The following BRWD1 variants were observed in gnomAD, a reference collection of about 807,000 sequenced individuals.
The protein encoded by BRWD1 is bromodomain and WD repeat domain containing 1, also known as bromodomain and WD repeat-containing protein 1.
Under a neutral mutation model 251.2 loss-of-function variants are expected in BRWD1, and 82 were observed. The observed-to-expected ratio is 0.33, with a 90% CI of 0.27 to 0.39. The LOEUF (loss-of-function observed/expected upper bound fraction) is 0.39. Ranked by LOEUF, BRWD1 falls within the 10% of genes least tolerant of loss-of-function variation. The probability of loss-of-function intolerance (pLI) is 1.00; values close to 1 mark genes in which losing one functional copy is unlikely to be tolerated. For synonymous variants in BRWD1, 918 were observed against 902.8 expected (o/e 1.02, Z -0.30); for missense variants, 2,233 against 2,711.6 (o/e 0.82, Z 3.92).
upstream of BRWD1, chr21:39,314,523 T>C (rs912301193): frequency 2.8e-6 from 1 of 355,390 alleles, no homozygotes; most frequent in African/African-American, 2.1e-5. Context: ...TAGAATCCTC[T>C]TGGAAGACTA....
chr21:39,199,466 A>C lies in BRWD1; in HGVS notation c.4950T>G (p.Ser1650=), dbSNP rs778025840. 6.2e-7 allele frequency: 1 copy of C among 1,614,036 alleles called. No homozygotes were observed. Among genetic ancestry groups the C allele is most frequent in the South Asian group, 1.1e-5 (1 of 91,086 alleles). ...IKLMSDVEEN[S]SSESVCSGRK... ...GACCAGAACAGACACTTTCAGAGCT[A>C]GAATTCTCTTCTACATCACTCATTA... is the stretch of plus-strand genomic sequence containing the variant. The change falls in exon 40 of 41, where the codon TCT becomes TCG. Residue 1650 remains serine (S), a synonymous_variant. Transcript: ENST00000342449.
intron 40 of BRWD1, 68 bp downstream of exon 40, chr21:39,198,695 A>G (rs1158390253): frequency 2.1e-6 from 3 of 1,400,638 alleles, no homozygotes; most frequent in East Asian, 2.4e-5. Flanking sequence ...GGGGGAAAAA[A>G]CCAATGTGTG....
At chr21:39,251,584 C>T (rs1183645284) in intron 19 of BRWD1, among the ~76,000 whole-genome samples, 2 of 152,140 alleles carry the variant, frequency 1.3e-5, no homozygotes, top group African/African-American at 4.8e-5. Flanking sequence ...AGAGTAAATG[C>T]TGTAAGGATA....
At chr21:39,297,824 AGC>A (rs1479336904) in intron 5 of BRWD1, 1 of 935,552 alleles carries the variant, frequency 1.1e-6, no homozygotes, top group East Asian at 1.2e-4. Context: ...TTAGCAGTTT[AGC>A]CACATGTACA....
intron 27 of BRWD1, among the ~76,000 whole-genome samples, chr21:39,225,909 CATG>C (rs1053957072): frequency 5.3e-5 from 8 of 152,182 alleles, no homozygotes; most frequent in African/African-American, 1.4e-4. Context: ...CAAACCACAC[CATG>C]ATTTTATCCA....
intron 18 of BRWD1, among the ~76,000 whole-genome samples, chr21:39,257,202 T>A (rs1331828129): frequency 8.8e-5 from 12 of 137,008 alleles, no homozygotes; most frequent in Middle Eastern, 3.7e-3. Flanking sequence ...TGAAGCTATT[T>A]AAAAAAAAAA....
chr21:39,224,413 T>C lies in BRWD1; in HGVS notation c.3377A>G (p.Asp1126Gly). ...LSPWDMEPIP[D>G]NVDPPEELGA... ...TATTTAACAAATATATATACCATTA[T>C]CAGGAATTGGTTCCATGTCCCATGG... The change falls in exon 29 of 41, where the codon GAT becomes GGT. Residue 1126 changes from aspartate (D) to glycine (G), a missense_variant. Asp to Gly is a moderately conservative substitution (Grantham distance 94). This residue lies in a region of BRWD1 where 139 missense variants were observed against 272.8 expected (regional missense o/e 0.51). Transcript: ENST00000342449. The C allele has an allele frequency of 6.4e-7, 1 of 1,571,442 alleles. No individual in the cohort carries two copies. The highest frequency in any genetic ancestry group is 8.7e-7 in the Non-Finnish European group (1 of 1,149,482).
At chr21:39,260,548 T>C (rs1469707133) in intron 17 of BRWD1, among the ~76,000 whole-genome samples, 1 of 152,036 alleles carries the variant, frequency 6.6e-6, no homozygotes, top group African/African-American at 2.4e-5. Context: ...TGAAGGAGGG[T>C]TCTACCCATG....
At chr21:39,249,928 G>A (rs1462924610) in intron 20 of BRWD1, among the ~76,000 whole-genome samples, 2 of 111,880 alleles carry the variant, frequency 1.8e-5, no homozygotes, top group African/African-American at 6.0e-5. Flanking sequence ...GTGTGTGTGT[G>A]TGTGTGTGTG....
At position 39,191,419 on chromosome 21, in the gene BRWD1, CTT is replaced by C. The variant is rs1393923188; in HGVS notation, c.*4838_*4839del. ...TAGTGTTTTGTTTTGTTTTTTAACT[CTT>C]TTGCTTGTTAAGATGAAAATGCTAA... is the stretch of plus-strand genomic sequence containing the variant. On this transcript the variant is annotated 3_prime_UTR_variant, in exon 41 of 41. Transcript: ENST00000342449. 7 of 985,090 alleles carry C rather than the reference CTT, an allele frequency of 7.1e-6. No homozygotes were observed. The highest frequency in any genetic ancestry group is 4.7e-5 in the South Asian group (1 of 21,276). The allele number at this position is 985,090 out of a possible 1,614,324, so 61.0% of individuals were successfully genotyped here.
At chr21:39,209,300 AT>A (rs1169066911) in intron 36 of BRWD1, among the ~76,000 whole-genome samples, 2 of 152,162 alleles carry the variant, frequency 1.3e-5, no homozygotes, top group Admixed American at 1.3e-4. Flanking sequence ...TTAAAAAAAA[AT>A]AAAAAATAAA....
At chr21:39,231,359 C>T (rs2033609669) in intron 25 of BRWD1, among the ~76,000 whole-genome samples, 1 of 152,040 alleles carries the variant, frequency 6.6e-6, no homozygotes, top group African/African-American at 2.4e-5. Flanking sequence ...AAAATGTATC[C>T]ATCATTCATT....
At position 39,192,656 on chromosome 21, in the gene BRWD1, T is replaced by C. The variant is rs1162779643; in HGVS notation, c.*3603A>G. Reference sequence around the variant, plus strand: ...ATCAACTTACTATTCATGAAAAGAATGGAGCTGGTTATTTCAGCTTTAAAA... The same window carrying C: ...ATCAACTTACTATTCATGAAAAGAACGGAGCTGGTTATTTCAGCTTTAAAA... On this transcript the variant is annotated 3_prime_UTR_variant, in exon 41 of 41. Transcript: ENST00000342449. 1.0e-6 allele frequency: 1 copy of C among 984,968 alleles called. No individual in the cohort carries two copies. Among genetic ancestry groups the C allele is most frequent in the Non-Finnish European group, 1.2e-6 (1 of 829,688 alleles). The allele number at this position is 984,968 out of a possible 1,614,324, so 61.0% of individuals were successfully genotyped here. A position where few individuals can be genotyped will look rare whatever the true frequency, so the allele number is the denominator to read the frequency against.
rs765573092 is a variant in BRWD1 at position 39,295,880 on chromosome 21, G to C, written c.472C>G (p.Leu158Val). Residue 158 changes from leucine (L) to valine (V), a missense_variant, in exon 7 of 41, where the codon CTC (leucine) becomes GTC (valine). Leu to Val is a conservative substitution (Grantham distance 32, BLOSUM62 1). Coordinates refer to ENST00000342449, the MANE Select transcript of BRWD1 (RefSeq NM_033656.4). ...NLVEIHRGKQ[L>V]TGCSTFSTAF... ...GTACTAAAAGTGGAACACCCTGTGA[G>C]TTGTTTTCCTCGATGTATCTCCACT... The C allele has an allele frequency of 3.1e-6, 5 of 1,601,888 alleles. No individual in the cohort carries two copies. The Admixed American group carries it at 6.8e-5, about 22-fold the overall frequency.
At chr21:39,241,623 A>G (rs2034006640) in intron 21 of BRWD1, among the ~76,000 whole-genome samples, 1 of 152,076 alleles carries the variant, frequency 6.6e-6, no homozygotes, top group African/African-American at 2.4e-5. Flanking sequence ...CATAACAATG[A>G]CAGATATACA....
intron 19 of BRWD1, 132 bp from the exon 20 acceptor site, chr21:39,251,021 T>A (rs1477461588): frequency 1.7e-6 from 1 of 581,816 alleles, no homozygotes. Context: ...ATCTCTGAAG[T>A]TAAAACATGT....
chr21:39,195,952 A>G lies in BRWD1; in HGVS notation c.*307T>C. On this transcript the variant is annotated 3_prime_UTR_variant, in exon 41 of 41. Transcript: ENST00000342449. The stretch of plus-strand genomic sequence containing the variant: ...ACTTGCTGCCATGAAAGTAATGCTC[A>G]TTGGTTTTGATAACCAGGATGTCTA... 1 of 1,047,224 alleles carries G rather than the reference A, an allele frequency of 9.5e-7. No homozygotes were observed. Among genetic ancestry groups the G allele is most frequent in the Non-Finnish European group, 1.1e-6 (1 of 871,154 alleles). 64.9% of individuals were successfully genotyped at this position (1,047,224 alleles called of 1,614,324 possible). A position where few individuals can be genotyped will look rare whatever the true frequency, so the allele number is the denominator to read the frequency against.
chr21:39,221,536 C>T (rs9680197), intron 29 of BRWD1, among the ~76,000 whole-genome samples: 2 of 151,252 alleles, frequency 1.3e-5, no homozygotes, highest in East Asian at 3.9e-4. Flanking sequence ...AGCAAAAAAA[C>T]AAAAAAAATC....
Position 39,293,752 on chromosome 21 carries a change from G to C in BRWD1, c.831+59C>G, listed in dbSNP as rs2035879339. 7.3e-6 allele frequency: 10 copies of C among 1,361,640 alleles called. No homozygotes were observed. In the South Asian group the frequency reaches 1.1e-4, roughly 15 times the overall value. The allele number at this position is 1,361,640 out of a possible 1,614,324, so 84.3% of individuals were successfully genotyped here. ...ACTATTTCTCAATTCCAAAGAAACT[G>C]TTTTAAAGAAAAAGGTGAAAATACA... On this transcript the variant is annotated intron_variant, in intron 8 of 40. Coordinates refer to ENST00000342449, the MANE Select transcript of BRWD1 (RefSeq NM_033656.4).
Sources: allele counts gnomAD v4.1 joint callset (sites outside exome capture counted in the v4.1 genomes callset), GRCh38; gene constraint gnomAD v4.1.1; regional missense constraint gnomAD v4.1.1; transcripts MANE v1.5; gene names NCBI Gene and HGNC (gene_info 2026-07-23, HGNC 2026-07-21).